SACS: variants seen among roughly 807,000 people sequenced by gnomAD.
SACS encodes sacsin.
A neutral mutation model predicts 348.0 loss-of-function variants in SACS; 197 were observed. The ratio of observed to expected loss-of-function variants is 0.57; its 90% CI spans 0.50 to 0.64. The LOEUF (loss-of-function observed/expected upper bound fraction) is 0.64, where lower values mean the gene tolerates loss of function less well. Among genes scored for constraint, SACS ranks in the 30% least tolerant of loss-of-function variants. The pLI, the probability that SACS is intolerant of heterozygous loss-of-function variation, is 0.00. For missense variants in SACS, 4,999 were observed against 5,360.8 expected (o/e 0.93, Z 2.11); for synonymous variants, 1,985 against 1,910.6 (o/e 1.04, Z -1.02).
rs139805032 is a variant in SACS at position 23,340,485 on chromosome 13, G to A, written c.3391C>T (p.Leu1131Phe). 3.1e-6 allele frequency: 5 copies of A among 1,612,258 alleles called. No individual in the cohort carries two copies. Among genetic ancestry groups the A allele is most frequent in the Middle Eastern group, 3.3e-4 (2 of 6,066 alleles). The change falls in exon 10 of 10, where the codon CTC becomes TTC. Residue 1131 changes from leucine (L) to phenylalanine (F), a missense_variant. By Grantham distance (22) the Leu-to-Phe change is conservative. Transcript: ENST00000382292. ...TGATTCTTATTTAAAACCAGTAAGA[G>A]GGTTTTGGCTTTCTTCAGAAGAACA... Reference protein sequence around the residue: ...QDVLLKKAKTLLLVLNKNHTL... With the variant: ...QDVLLKKAKTFLLVLNKNHTL...
Position 23,333,926 on chromosome 13 carries a change from C to T in SACS, c.9950G>A (p.Ser3317Asn). The change falls in exon 10 of 10, where the codon AGT becomes AAT. Residue 3317 changes from serine (S) to asparagine (N), a missense_variant. Transcript: ENST00000382292. The part of the protein sequence containing the change: ...MHIAVFPNAQ[S>N]DKVFHALMKA... ...CATTAGAGCATGAAAAACTTTATCA[C>T]TCTGGGCATTTGGAAAAACTGCAAT... 6.2e-7 allele frequency: 1 copy of T among 1,613,818 alleles called. No individual in the cohort carries two copies. Among genetic ancestry groups the T allele is most frequent in the Non-Finnish European group, 8.5e-7 (1 of 1,179,824 alleles).
At chr13:23,416,666 G>A (rs9552956) in intron 1 of SACS, among the ~76,000 whole-genome samples, 59,289 of 151,022 alleles carry the variant, frequency 0.39, 12,110 homozygotes, top group East Asian at 0.55. Flanking sequence ...CTGAGGCAAG[G>A]GAATTGCTTG....
Position 23,331,392 on chromosome 13 carries a change from C to G in SACS, c.12484G>C (p.Ala4162Pro). The G allele has an allele frequency of 1.2e-6, 2 of 1,614,010 alleles. No individual in the cohort carries two copies. Among genetic ancestry groups the G allele is most frequent in the Non-Finnish European group, 1.7e-6 (2 of 1,179,958 alleles). ...ELPMPGTPIP[A>P]EIHYTLLMDP... ...ATAAGCAGAGTGTAATGAATTTCAG[C>G]AGGAATTGGTGTGCCAGGCATTGGA... The change falls in exon 10 of 10, where the codon GCT (alanine) becomes CCT (proline). Residue 4162 changes from alanine (A) to proline (P), a missense_variant. Transcript: ENST00000382292.
Position 23,336,693 on chromosome 13 carries a change from A to C in SACS, c.7183T>G (p.Cys2395Gly), listed in dbSNP as rs113600013. 3 of 1,613,820 alleles carry C rather than the reference A, an allele frequency of 1.9e-6. No individual in the cohort carries two copies. The South Asian group carries it at 3.3e-5, about 18-fold the overall frequency. ...LFETVGVRQS[C>G]TVEDFALVLE... ...ACAAGAGCAAAATCTTCAACAGTGC[A>C]TGACTGCCTCACACCCACGGTTTCA... Residue 2395 changes from cysteine (C) to glycine (G), a missense_variant, in exon 10 of 10, where the codon TGC becomes GGC. Around this residue, in one of 6 missense-constraint regions of SACS, gnomAD observed 3,156 missense variants for 3,380.1 expected, o/e 0.93. Coordinates refer to ENST00000382292, the MANE Select transcript of SACS (RefSeq NM_014363.6).
Position 23,334,604 on chromosome 13 carries a change from CTAA to C in SACS, c.9269_9271del (p.Val3090_Ser3091delinsGly). The stretch of plus-strand genomic sequence containing the variant: ...TCTGATATCAGCAGGGGTCACATAA[CTAA>C]CAGGAATATCTGCATCTATAAGACA... On this transcript the variant is annotated inframe_deletion, in exon 10 of 10. Transcript: ENST00000382292. The C allele has an allele frequency of 6.2e-7, 1 of 1,613,482 alleles. No homozygotes were observed. Among genetic ancestry groups the C allele is most frequent in the Non-Finnish European group, 8.5e-7 (1 of 1,179,772 alleles).
chr13:23,429,345 ATTTTTTTTTTTTTTTTTTTTT>A (rs536939164), intron 1 of SACS, among the ~76,000 whole-genome samples: 2 of 51,466 alleles, frequency 3.9e-5, no homozygotes, highest in East Asian at 7.0e-4. Flanking sequence ...TGAGGTAGGG[ATTTTTTTTTTTTTTTTTTTTT>A]TTTTTTTTTT....
At chr13:23,375,638 T>C (rs1269597286) in intron 2 of SACS, 3 of 882,238 alleles carry the variant, frequency 3.4e-6, no homozygotes, top group Admixed American at 1.2e-4. Flanking sequence ...TAGCTGGGGA[T>C]CCGCCCCGCC....
rs138825904 is a variant in SACS, at chr13:23,387,892, A to G, written c.21-12623T>C. Among the ~76,000 whole-genome samples the G allele has an allele frequency of 2.1e-4, 32 of 152,338 alleles. 1 individual carries two copies. The East Asian group carries it at 5.4e-3, about 26-fold the overall frequency. On this transcript the variant is annotated intron_variant, in intron 2 of 9. Coordinates refer to ENST00000382292, the MANE Select transcript of SACS (RefSeq NM_014363.6). ...CAGAGAAATGCATATTAAAACCACAATGAGACACCACTGTACCCCAGCCAG... is the reference window on the plus strand; with the variant it reads ...CAGAGAAATGCATATTAAAACCACAGTGAGACACCACTGTACCCCAGCCAG...
At chr13:23,369,935 T>C (rs891520788) in intron 4 of SACS, among the ~76,000 whole-genome samples, 2 of 151,884 alleles carry the variant, frequency 1.3e-5, no homozygotes, top group Non-Finnish European at 2.9e-5. Context: ...CTCAGCTCAC[T>C]GCAACCTCTG....
At chr13:23,373,201 C>T (rs893351505) in intron 3 of SACS, among the ~76,000 whole-genome samples, 1 of 152,164 alleles carries the variant, frequency 6.6e-6, no homozygotes, top group Admixed American at 6.5e-5. Flanking sequence ...GAGATGTCGG[C>T]AGGCATAGAG....
At chr13:23,417,726 C>A (rs1452934079) in intron 1 of SACS, among the ~76,000 whole-genome samples, 2 of 152,012 alleles carry the variant, frequency 1.3e-5, no homozygotes, top group Non-Finnish European at 2.9e-5. Flanking sequence ...ATAAGAATTC[C>A]TTTAAAAACA....
Position 23,358,387 on chromosome 13 carries a change from A to C in SACS, c.552T>G (p.Pro184=), listed in dbSNP as rs140637560. The C allele has an allele frequency of 5.6e-6, 9 of 1,614,082 alleles. No homozygotes were observed. The highest frequency in any genetic ancestry group is 6.8e-6 in the Non-Finnish European group (8 of 1,180,022). The change falls in exon 7 of 10, where the codon CCT becomes CCG. Residue 184 remains proline, a synonymous_variant. Coordinates refer to ENST00000382292, the MANE Select transcript of SACS (RefSeq NM_014363.6). Reference sequence around the variant, plus strand: ...CAATTCCAAATCTTCCGACCTTCAGAGGATCATCCTTTTTCCTGCTTCTTG... The same window carrying C: ...CAATTCCAAATCTTCCGACCTTCAGCGGATCATCCTTTTTCCTGCTTCTTG... ...EIARSRKKDD[P]LKVGRFGIGF...
intron 1 of SACS, among the ~76,000 whole-genome samples, chr13:23,424,181 C>CCTG: frequency 6.6e-5 from 10 of 152,212 alleles, no homozygotes; most frequent in African/African-American, 2.4e-4. Flanking sequence ...CTGAATGCAA[C>CCTG]TGGAATCTCC....
chr13:23,429,311 C>T (rs1274678747), intron 1 of SACS, among the ~76,000 whole-genome samples: 1 of 140,130 alleles, frequency 7.1e-6, no homozygotes, highest in African/African-American at 2.6e-5. Context: ...ATGGCAGAGG[C>T]TCACTAAACT....
At position 23,387,187 on chromosome 13, in the gene SACS, C is replaced by T. The variant is rs545998462; in HGVS notation, c.21-11918G>A. On this transcript the variant is annotated intron_variant, in intron 2 of 9. Coordinates refer to ENST00000382292, the MANE Select transcript of SACS (RefSeq NM_014363.6). ...GTTAAAAACGAATGTCGGCCGGGCG[C>T]GGTGGCTCACGCCTGTAATCCCAGC... 2.0e-5 allele frequency among the ~76,000 whole-genome samples: 3 copies of T among 152,056 alleles called. No individual in the cohort carries two copies. In the South Asian group the frequency reaches 6.2e-4, roughly 32 times the overall value.
At chr13:23,366,032 G>A (rs1241893145) in intron 5 of SACS, among the ~76,000 whole-genome samples, 2 of 152,116 alleles carry the variant, frequency 1.3e-5, no homozygotes, top group Non-Finnish European at 2.9e-5. Flanking sequence ...GCTCCGTTCA[G>A]TTTGAAGGGA....
chr13:23,405,559 C>T (rs1873168652), intron 2 of SACS, among the ~76,000 whole-genome samples: 1 of 152,068 alleles, frequency 6.6e-6, no homozygotes, highest in South Asian at 2.1e-4. Context: ...CAAATGGGGT[C>T]TAATTAAACT....
At chr13:23,352,288 T>C (rs1870008733) in intron 9 of SACS, among the ~76,000 whole-genome samples, 1 of 152,242 alleles carries the variant, frequency 6.6e-6, no homozygotes, top group South Asian at 2.1e-4. Flanking sequence ...AACAGCTCCA[T>C]GCAACAATCT....
intron 2 of SACS, among the ~76,000 whole-genome samples, chr13:23,386,991 A>G (rs1020602188): frequency 1.3e-5 from 2 of 152,192 alleles, no homozygotes; most frequent in Non-Finnish European, 2.9e-5. Flanking sequence ...TAGTGACACC[A>G]TAGATTAGTA....
Sources: gnomAD v4.1 joint callset for allele counts (sites outside exome capture counted in the v4.1 genomes callset) on GRCh38, gnomAD v4.1.1 for gene constraint, gnomAD v4.1.1 regional missense constraint, MANE v1.5 for transcripts, NCBI Gene and HGNC (gene_info 2026-07-23, HGNC 2026-07-21) for gene names.